WDPCP: variants seen among roughly 807,000 people sequenced by gnomAD.
WDPCP encodes WD repeat-containing and planar cell polarity effector protein fritz homolog.
In WDPCP, 71 loss-of-function variants were observed where a neutral mutation model predicts 93.1. That is an observed-to-expected ratio of 0.76 (90% CI 0.63 to 0.93). WDPCP has a LOEUF of 0.93. Ranked by LOEUF, WDPCP falls within the 40% of genes least tolerant of loss-of-function variation. WDPCP has a pLI of 0.00. For synonymous variants in WDPCP, 315 were observed against 315.0 expected (o/e 1.00, Z 0.00); for missense variants, 844 against 887.4 (o/e 0.95, Z 0.62).
intron 2 of WDPCP, among the ~76,000 whole-genome samples, chr2:63,720,310 G>A (rs1168138555): frequency 1.3e-5 from 2 of 151,760 alleles, no homozygotes; most frequent in African/African-American, 4.8e-5. Flanking sequence ...CCAGCTACTC[G>A]GGAGGCTGAG....
At chr2:63,684,194 A>C in intron 2 of WDPCP, 7 of 333,126 alleles carry the variant, frequency 2.1e-5, no homozygotes, top group South Asian at 2.1e-4. Flanking sequence ...CATGTGGATC[A>C]TTTTCAAGGA....
Position 63,325,213 on chromosome 2 carries a change from G to C in WDPCP, c.1749-11902C>G, listed in dbSNP as rs554465009. ...AAACCTTGGTGGTTCAGAGAGAACA[G>C]AAAATGGAGCAGGCCAATCATCTGG... On this transcript the variant is annotated intron_variant, in intron 12 of 17. Coordinates refer to ENST00000272321, the MANE Select transcript of WDPCP (RefSeq NM_015910.7). Among the ~76,000 whole-genome samples, 5 of 152,308 alleles carry C rather than the reference G, an allele frequency of 3.3e-5. No individual in the cohort carries two copies. The South Asian group carries it at 1.0e-3, about 32-fold the overall frequency.
In WDPCP at chr2:63,329,113, G is replaced by T. The variant is rs181548387; in HGVS notation, c.1749-15802C>A. ...GTAGTACAGTATTTGTTAATGATAG[G>T]TATTACACTGTACGTTAGATCTCTA... On this transcript the variant is annotated intron_variant, in intron 12 of 17. Transcript: ENST00000272321. Among the ~76,000 whole-genome samples the T allele has an allele frequency of 1.9e-4, 29 of 152,282 alleles. No homozygotes were observed. The East Asian group carries it at 5.4e-3, about 28-fold the overall frequency.
intron 1 of WDPCP, among the ~76,000 whole-genome samples, chr2:63,576,969 C>T (rs1313465554): frequency 6.6e-6 from 1 of 152,108 alleles, no homozygotes; most frequent in Non-Finnish European, 1.5e-5. Flanking sequence ...CTTTTGAAGT[C>T]TTCACTATAA....
At chr2:63,249,762 T>C (rs751663453) in intron 14 of WDPCP, among the ~76,000 whole-genome samples, 1 of 152,162 alleles carries the variant, frequency 6.6e-6, no homozygotes, top group Non-Finnish European at 1.5e-5. Context: ...ATCCATGGGG[T>C]ATATGTTCAA....
chr2:63,402,824 G>A (rs1480934957), intron 10 of WDPCP, among the ~76,000 whole-genome samples: 1 of 152,234 alleles, frequency 6.6e-6, no homozygotes, highest in East Asian at 1.9e-4. Flanking sequence ...TATGCACTGT[G>A]AGGGGGGAGT....
At chr2:63,480,873 A>T (rs1042510784) in intron 6 of WDPCP, among the ~76,000 whole-genome samples, 1 of 152,152 alleles carries the variant, frequency 6.6e-6, no homozygotes, top group Non-Finnish European at 1.5e-5. Context: ...AATAACAACA[A>T]AGATAAATAG....
At position 63,404,327 on chromosome 2, in the gene WDPCP, G is replaced by A; in HGVS notation, c.1156C>T (p.His386Tyr). 1.2e-6 allele frequency: 2 copies of A among 1,614,118 alleles called. No individual in the cohort carries two copies. The highest frequency in any genetic ancestry group is 1.7e-6 in the Non-Finnish European group (2 of 1,180,006). ...ACTAGCAGAATGGCACCACTTGGGT[G>A]GCAGCTTATTAATGAAGGCAAAAGT... is the stretch of plus-strand genomic sequence containing the variant. The part of the protein sequence containing the change: ...TELLPSLISC[H>Y]PSGAILLVGS... Residue 386 changes from histidine (H) to tyrosine (Y), a missense_variant, in exon 10 of 18, where the codon CAC becomes TAC. Transcript: ENST00000272321.
Position 63,206,708 on chromosome 2 carries a change from A to G in WDPCP, c.1916-31876T>C, listed in dbSNP as rs17432684. The stretch of plus-strand genomic sequence containing the variant: ...CCTGTCTCAGCATCCCACTTATTGT[A>G]TTTTTATTCTACTCTTCTTATTCTC... On this transcript the variant is annotated intron_variant, in intron 14 of 17. Transcript: ENST00000272321. Among the ~76,000 whole-genome samples, 14 of 151,846 alleles carry G rather than the reference A, an allele frequency of 9.2e-5. No individual in the cohort carries two copies. In the South Asian group the frequency reaches 2.7e-3, roughly 29 times the overall value.
intron 2 of WDPCP, among the ~76,000 whole-genome samples, chr2:63,718,517 A>T (rs1411598088): frequency 1.3e-5 from 2 of 151,990 alleles, no homozygotes; most frequent in Non-Finnish European, 2.9e-5. Flanking sequence ...GACGTAGAGC[A>T]TTTTTTCATG....
chr2:63,729,784 C>T (rs1360638610), intron 2 of WDPCP, among the ~76,000 whole-genome samples: 1 of 151,944 alleles, frequency 6.6e-6, no homozygotes, highest in Non-Finnish European at 1.5e-5. Flanking sequence ...GTTATGTTTC[C>T]TATGCTGCTT....
At chr2:63,738,428 T>C (rs1230286623) in intron 2 of WDPCP, among the ~76,000 whole-genome samples, 1 of 151,940 alleles carries the variant, frequency 6.6e-6, no homozygotes, top group Non-Finnish European at 1.5e-5. Context: ...CCCCCACTCC[T>C]TCTCCTGTGC....
rs563790018 is a variant in WDPCP, at chr2:63,536,738, CA to C, written c.76-43799del. Among the ~76,000 whole-genome samples the C allele has an allele frequency of 3.3e-4, 43 of 131,492 alleles. 1 individual carries two copies. Among genetic ancestry groups the C allele is most frequent in the East Asian group, 1.2e-3 (5 of 4,192 alleles). 86.3% of individuals were successfully genotyped at this position (131,492 alleles called of 152,430 possible). A position where few individuals can be genotyped will look rare whatever the true frequency, so the allele number is the denominator to read the frequency against. Reference sequence around the variant, plus strand: ...AAATGGAAAGATAAAAACAAACAACCAAAAAAAAATGGTAAAAATCTCAGAT... The same window carrying C: ...AAATGGAAAGATAAAAACAAACAACCAAAAAAAATGGTAAAAATCTCAGAT... On this transcript the variant is annotated intron_variant, in intron 1 of 17. Transcript: ENST00000272321.
chr2:63,399,120 A>G (rs926415464), intron 10 of WDPCP, among the ~76,000 whole-genome samples: 1 of 152,230 alleles, frequency 6.6e-6, no homozygotes, highest in Non-Finnish European at 1.5e-5. Flanking sequence ...TAGATCTTTT[A>G]AAGAGCCTAT....
At chr2:63,458,563 G>T (rs1297919541) in intron 6 of WDPCP, among the ~76,000 whole-genome samples, 1 of 152,046 alleles carries the variant, frequency 6.6e-6, no homozygotes, top group Non-Finnish European at 1.5e-5. Flanking sequence ...AAGAAAAACT[G>T]TAAAACACTG....
At chr2:63,803,302 GA>G (rs941227088) in intron 2 of WDPCP, among the ~76,000 whole-genome samples, 2 of 151,810 alleles carry the variant, frequency 1.3e-5, no homozygotes, top group African/African-American at 4.8e-5. Context: ...TTTTAATACT[GA>G]AAAAAAATTT....
chr2:63,332,860 TAGCTTCCCAA>T (rs1202521819), intron 12 of WDPCP, among the ~76,000 whole-genome samples: 2 of 152,260 alleles, frequency 1.3e-5, no homozygotes, highest in East Asian at 3.9e-4. Flanking sequence ...CCTCCCACCT[TAGCTTCCCAA>T]AGCACTTGAG....
At chr2:63,615,265 C>T (rs72806058) in intron 3 of WDPCP, among the ~76,000 whole-genome samples, 29,228 of 152,072 alleles carry the variant, frequency 0.19, 3,624 homozygotes, top group Non-Finnish European at 0.25. Flanking sequence ...CACAATGGGC[C>T]TTAGTGAGCA....
At chr2:63,612,068 C>T (rs1304742861) in intron 3 of WDPCP, among the ~76,000 whole-genome samples, 1 of 152,176 alleles carries the variant, frequency 6.6e-6, no homozygotes, top group Non-Finnish European at 1.5e-5. Flanking sequence ...GTCTATGCCT[C>T]CCCTCTCTCC....
Sources: gnomAD v4.1 joint callset for allele counts (sites outside exome capture counted in the v4.1 genomes callset) on GRCh38, gnomAD v4.1.1 for gene constraint, MANE v1.5 for transcripts, NCBI Gene and HGNC (gene_info 2026-07-23, HGNC 2026-07-21) for gene names.